Variants in MVB12B observed in about 807,000 individuals in gnomAD.
MVB12B encodes the protein multivesicular body subunit 12B, also known as ESCRT-I complex subunit MVB12B.
MVB12B carries 16 observed loss-of-function variants against 41.6 expected under a neutral mutation model. The observed-to-expected ratio is 0.38, with a 90% CI of 0.26 to 0.58. MVB12B has a LOEUF of 0.58. MVB12B is among the 20% of genes least tolerant of loss of function. The pLI is 0.62. For missense variants in MVB12B, 274 were observed against 380.2 expected, an observed-to-expected ratio of 0.72 and a Z score of 2.32; for synonymous variants, 133 against 139.7, an observed-to-expected ratio of 0.95 and a Z score of 0.34.
chr9:126,412,120 G>T (rs190035826), intron 6 of MVB12B, among the ~76,000 whole-genome samples: 11 of 152,218 alleles, frequency 7.2e-5, no homozygotes, highest in African/African-American at 2.7e-4. Flanking sequence ...GAGAGCGGGC[G>T]CTCTAGAAGG....
At chr9:126,438,973 C>T (rs576391945) in intron 7 of MVB12B, among the ~76,000 whole-genome samples, 8 of 152,162 alleles carry the variant, frequency 5.3e-5, no homozygotes, top group South Asian at 4.1e-4. Context: ...AGTTCTGGTC[C>T]GCCTCATCAG....
intron 6 of MVB12B, among the ~76,000 whole-genome samples, chr9:126,418,367 T>C (rs1019612563): frequency 5.9e-5 from 9 of 152,186 alleles, no homozygotes; most frequent in African/African-American, 2.2e-4. Context: ...TTTGTGGTTG[T>C]TATTGCTCAT....
intron 7 of MVB12B, among the ~76,000 whole-genome samples, chr9:126,432,281 G>GAACC (rs1832350101): frequency 6.6e-6 from 1 of 152,202 alleles, no homozygotes. Flanking sequence ...AAAACAAAGG[G>GAACC]AACCCCCTTG....
At chr9:126,481,567 C>T in intron 8 of MVB12B, 143 bp downstream of exon 8, 1 of 708,808 alleles carries the variant, frequency 1.4e-6, no homozygotes, top group South Asian at 1.6e-5. Flanking sequence ...TGCGTGTCCT[C>T]TCTCCCACTG....
At chr9:126,446,197 T>A (rs891726432) in intron 7 of MVB12B, among the ~76,000 whole-genome samples, 1 of 152,116 alleles carries the variant, frequency 6.6e-6, no homozygotes, top group Admixed American at 6.5e-5. Flanking sequence ...TATAAAAAAA[T>A]TTGGAATATT....
At chr9:126,381,749 A>G (rs1201885581) in intron 3 of MVB12B, among the ~76,000 whole-genome samples, 1 of 151,508 alleles carries the variant, frequency 6.6e-6, no homozygotes, top group Non-Finnish European at 1.5e-5. Flanking sequence ...TTTTTTTTAA[A>G]AACATCTAAT....
At chr9:126,361,126 T>A (rs1308674672) in intron 2 of MVB12B, among the ~76,000 whole-genome samples, 5 of 152,204 alleles carry the variant, frequency 3.3e-5, no homozygotes, top group Admixed American at 6.5e-5. Context: ...TTTTTTCCCA[T>A]CTGTTGTTTT....
intron 7 of MVB12B, 66 bp downstream of exon 7, chr9:126,422,014 C>A (rs946505170): frequency 1.1e-5 from 12 of 1,127,912 alleles, no homozygotes; most frequent in Non-Finnish European, 9.4e-6. Context: ...TCCTTCCACA[C>A]GTTCTCTGTC....
At chr9:126,482,368 G>C (rs550667734) in intron 8 of MVB12B, among the ~76,000 whole-genome samples, 12 of 152,372 alleles carry the variant, frequency 7.9e-5, no homozygotes, top group African/African-American at 2.9e-4. Flanking sequence ...CCCGGCTTGC[G>C]ATTTGACCTG....
chr9:126,492,486 C>A (rs918653750), intron 9 of MVB12B, among the ~76,000 whole-genome samples: 5 of 152,098 alleles, frequency 3.3e-5, no homozygotes, highest in Non-Finnish European at 5.9e-5. Context: ...CCTTTCCTCA[C>A]ATCCTTATTC....
chr9:126,342,514 G>A (rs1685948391), intron 2 of MVB12B, among the ~76,000 whole-genome samples: 1 of 152,180 alleles, frequency 6.6e-6, no homozygotes, highest in Non-Finnish European at 1.5e-5. Context: ...AAATTAATAA[G>A]CACATTTCAT....
Position 126,481,412 on chromosome 9 carries a change from T to C in MVB12B, c.801T>C (p.Cys267=), listed in dbSNP as rs1009853312. 1.2e-5 allele frequency: 19 copies of C among 1,613,710 alleles called. No homozygotes were observed. The highest frequency in any genetic ancestry group is 1.6e-5 in the Non-Finnish European group (19 of 1,179,578). The change falls in exon 8 of 10, where the codon TGT becomes TGC. Residue 267 remains cysteine (C), a synonymous_variant. Transcript: ENST00000361171. ...VPFMISEKFS[C]VPESMQPFDL... is the part of the protein sequence containing the mutation. The stretch of plus-strand genomic sequence containing the variant: ...TTATGATTTCAGAGAAGTTTTCTTG[T>C]GTTCCAGAAAGTGTAAGTTTTATGC...
intron 2 of MVB12B, among the ~76,000 whole-genome samples, chr9:126,377,527 C>G (rs776935596): frequency 3.3e-5 from 5 of 152,130 alleles, no homozygotes; most frequent in Non-Finnish European, 7.4e-5. Context: ...TTCCCGTTAC[C>G]TTATTTGGGT....
chr9:126,464,963 G>T (rs555404698), intron 7 of MVB12B, among the ~76,000 whole-genome samples: 2 of 152,152 alleles, frequency 1.3e-5, no homozygotes. Flanking sequence ...AGATGCTCTC[G>T]TGCCGGTATC....
chr9:126,412,376 T>C (rs1831675441), intron 6 of MVB12B, among the ~76,000 whole-genome samples: 1 of 152,192 alleles, frequency 6.6e-6, no homozygotes, highest in Admixed American at 6.5e-5. Flanking sequence ...CTTAACTTGA[T>C]TTTTGTTGCT....
intron 2 of MVB12B, among the ~76,000 whole-genome samples, chr9:126,370,637 C>T (rs1830311558): frequency 6.6e-6 from 1 of 152,150 alleles, no homozygotes; most frequent in South Asian, 2.1e-4. Flanking sequence ...CCACCTCGAC[C>T]TCCCAAAGTA....
rs901322664 is a variant in MVB12B at position 126,480,030 on chromosome 9, G to C, written c.758-1339G>C. ...AAATATGACCACTGAAGGTTCCAGA[G>C]AAGTCATCATTCCAGGAGACACTGG... On this transcript the variant is annotated intron_variant, in intron 7 of 9. Transcript: ENST00000361171. The surrounding 1 kb of genome is among the most constrained non-coding windows in gnomAD (Gnocchi z 4.9). Among the ~76,000 whole-genome samples, 7 of 152,160 alleles carry C rather than the reference G, an allele frequency of 4.6e-5. No individual in the cohort carries two copies. The highest frequency in any genetic ancestry group is 1.4e-4 in the African/African-American group (6 of 41,432).
At chr9:126,458,426 C>T (rs1453246322) in intron 7 of MVB12B, among the ~76,000 whole-genome samples, 2 of 152,214 alleles carry the variant, frequency 1.3e-5, no homozygotes, top group Admixed American at 1.3e-4. Flanking sequence ...TGACCCCTGG[C>T]CGGAGCCAGC....
chr9:126,330,912 G>A (rs4837063), intron 1 of MVB12B, among the ~76,000 whole-genome samples: 1,619 of 152,162 alleles, frequency 0.011, 50 homozygotes, highest in East Asian at 0.066. Flanking sequence ...TGTCCTCAAG[G>A]TTCATCATGT....
Sources: allele counts gnomAD v4.1 joint callset (sites outside exome capture counted in the v4.1 genomes callset), GRCh38; gene constraint gnomAD v4.1.1; non-coding constraint Gnocchi (gnomAD v3.1); transcripts MANE v1.5; gene names NCBI Gene and HGNC (gene_info 2026-07-23, HGNC 2026-07-21).